The following LAMA1 variants were observed in gnomAD, a reference collection of about 807,000 sequenced individuals.
The protein encoded by LAMA1 is laminin subunit alpha 1.
A neutral mutation model predicts 348.7 loss-of-function variants in LAMA1; 219 were observed. That is an observed-to-expected ratio of 0.63 (90% CI 0.56 to 0.70). The LOEUF is 0.70. Ranked by LOEUF, LAMA1 falls within the 30% of genes least tolerant of loss-of-function variation. The pLI, the probability that LAMA1 is intolerant of heterozygous loss-of-function variation, is 0.00. For missense variants in LAMA1, 3,744 were observed against 3,888.0 expected (o/e 0.96, Z 0.99); for synonymous variants, 1,487 against 1,491.0 (o/e 1.00, Z 0.06).
At chr18:7,072,909 G>A (rs1412980825) in intron 3 of LAMA1, among the ~76,000 whole-genome samples, 4 of 152,164 alleles carry the variant, frequency 2.6e-5, no homozygotes, top group East Asian at 1.9e-4. Context: ...GTCTACTTCC[G>A]GGTCCTATCA....
intron 39 of LAMA1, among the ~76,000 whole-genome samples, chr18:6,983,443 C>T (rs1205320179): frequency 6.6e-6 from 1 of 152,168 alleles, no homozygotes; most frequent in East Asian, 1.9e-4. Context: ...TGTCATAACA[C>T]TCAGAACTGC....
intron 1 of LAMA1, among the ~76,000 whole-genome samples, chr18:7,098,823 C>T (rs1352855239): frequency 1.5e-5 from 2 of 130,266 alleles, no homozygotes; most frequent in South Asian, 2.8e-4. Context: ...GCCCGGCCAC[C>T]GCCCCGTCCG....
Position 6,999,469 on chromosome 18 carries a change from T to A in LAMA1, c.4639A>T (p.Ile1547Phe), listed in dbSNP as rs748191963. 2.5e-6 allele frequency: 4 copies of A among 1,614,226 alleles called. No individual in the cohort carries two copies. The highest frequency in any genetic ancestry group is 1.7e-6 in the Non-Finnish European group (2 of 1,180,046). ...CAAACACAATCTGTTTCCATCAGAA[T>A]GTGCCTCGGTTCACACTCATCGCAC... ...LRCDECEPRHILMETDCVSCD... is the reference protein window; with the variant it reads ...LRCDECEPRHFLMETDCVSCD... The change falls in exon 32 of 63, where the codon ATT becomes TTT. Residue 1547 changes from isoleucine to phenylalanine, a missense_variant. Transcript: ENST00000389658.
chr18:7,066,576 A>G (rs12953632), intron 3 of LAMA1, among the ~76,000 whole-genome samples: 48,383 of 152,106 alleles, frequency 0.32, 8,865 homozygotes, highest in South Asian at 0.48. Flanking sequence ...ACACATGTGA[A>G]GATAATAAAT....
chr18:7,007,083 A>C, intron 29 of LAMA1, 56 bp downstream of exon 29: 10 of 1,604,796 alleles, frequency 6.2e-6, no homozygotes, highest in Non-Finnish European at 8.5e-6. Flanking sequence ...GAAATCTGAC[A>C]CTCAGCGTCC....
At chr18:6,983,711 A>C (rs183518288) in intron 39 of LAMA1, among the ~76,000 whole-genome samples, 136 of 152,336 alleles carry the variant, frequency 8.9e-4, no homozygotes, top group Admixed American at 2.7e-3. Context: ...AATTCACTAG[A>C]GATTTTGGAG....
chr18:7,054,000 G>C (rs2058071937), intron 3 of LAMA1, among the ~76,000 whole-genome samples: 1 of 151,860 alleles, frequency 6.6e-6, no homozygotes, highest in Admixed American at 6.6e-5. Context: ...CAAACTCCTG[G>C]GCTCAAGTGG....
At position 6,958,604 on chromosome 18, in the gene LAMA1, C is replaced by G. The variant is rs1407871342; in HGVS notation, c.7837G>C (p.Val2613Leu). The G allele has an allele frequency of 5.0e-6, 8 of 1,614,094 alleles. No homozygotes were observed. Among genetic ancestry groups the G allele is most frequent in the Non-Finnish European group, 6.8e-6 (8 of 1,180,028 alleles). Residue 2613 changes from valine to leucine, a missense_variant, in exon 55 of 63, where the codon GTA becomes CTA. Val to Leu is a conservative substitution (Grantham distance 32). This residue lies in a region of LAMA1 where 1,983 missense variants were observed against 1,934.3 expected (regional missense o/e 1.03). Coordinates refer to ENST00000389658, the MANE Select transcript of LAMA1 (RefSeq NM_005559.4). Reference sequence around the variant, plus strand: ...GACACATTTATCGTCCTGCTTTCTACTAATGTGCCCAACTTCATTTCCACA... The same window carrying G: ...GACACATTTATCGTCCTGCTTTCTAGTAATGTGCCCAACTTCATTTCCACA... ...NPVEMKLGTL[V>L]ESRTINVSNL... is the part of the protein sequence containing the mutation.
At chr18:7,023,871 C>T (rs1032387098) in intron 18 of LAMA1, among the ~76,000 whole-genome samples, 7 of 152,238 alleles carry the variant, frequency 4.6e-5, no homozygotes, top group African/African-American at 1.7e-4. Flanking sequence ...TAGAGTCTCA[C>T]TCTGTCTCCT....
rs1455240113 is a variant in LAMA1 at position 7,057,959 on chromosome 18, CA to C, written c.346-7024del. 3.6e-4 allele frequency among the ~76,000 whole-genome samples: 55 copies of C among 151,158 alleles called. 1 individual carries two copies. Among genetic ancestry groups the C allele is most frequent in the South Asian group, 1.7e-3 (8 of 4,770 alleles). ...ATAGGCACTTGCCACCACGTCCGGCCAATTTTTTTTAATTTTTTTTTTTTAG... is the reference window on the plus strand; with the variant it reads ...ATAGGCACTTGCCACCACGTCCGGCCATTTTTTTTAATTTTTTTTTTTTAG... On this transcript the variant is annotated intron_variant, in intron 3 of 62. Transcript: ENST00000389658.
At chr18:7,075,660 G>A (rs905297855) in intron 3 of LAMA1, among the ~76,000 whole-genome samples, 16 of 148,930 alleles carry the variant, frequency 1.1e-4, no homozygotes, top group African/African-American at 2.5e-4. Context: ...GCACTAGGCT[G>A]GGCGCGGTGG....
At chr18:7,001,047 C>T (rs1013875752) in intron 30 of LAMA1, among the ~76,000 whole-genome samples, 2 of 152,120 alleles carry the variant, frequency 1.3e-5, no homozygotes, top group African/African-American at 2.4e-5. Flanking sequence ...AGCACAGAAA[C>T]GTGCAAAGTA....
intron 57 of LAMA1, among the ~76,000 whole-genome samples, chr18:6,951,319 T>C (rs1293037581): frequency 2.6e-5 from 4 of 152,168 alleles, no homozygotes; most frequent in Non-Finnish European, 5.9e-5. Flanking sequence ...AAAGCTGATA[T>C]CTCAGCTGAG....
At chr18:6,989,231 T>C (rs1205613854) in intron 36 of LAMA1, among the ~76,000 whole-genome samples, 2 of 152,074 alleles carry the variant, frequency 1.3e-5, no homozygotes, top group African/African-American at 4.8e-5. Context: ...GGATCCCACA[T>C]GGGGAGAGGA....
At position 7,015,877 on chromosome 18, in the gene LAMA1, C is replaced by A. The variant is rs773956526; in HGVS notation, c.2990-19G>T. On this transcript the variant is annotated intron_variant, in intron 21 of 62. Transcript: ENST00000389658. ...TCACAGGCTGAAATAAAGATGAATG[C>A]TGGGTTACAGATCTGGGTGATGTCA... 128 of 1,613,812 alleles carry A rather than the reference C, an allele frequency of 7.9e-5. No individual in the cohort carries two copies. Among genetic ancestry groups the A allele is most frequent in the Non-Finnish European group, 5.4e-5 (64 of 1,179,968 alleles).
intron 3 of LAMA1, among the ~76,000 whole-genome samples, chr18:7,077,989 G>A (rs181653264): frequency 3.4e-5 from 5 of 148,830 alleles, no homozygotes; most frequent in African/African-American, 9.9e-5. Flanking sequence ...GCGTGAACCC[G>A]GGAGGCAGAG....
At chr18:7,017,101 A>G (rs537865279) in intron 20 of LAMA1, among the ~76,000 whole-genome samples, 177 bp downstream of exon 20, 1 of 152,274 alleles carries the variant, frequency 6.6e-6, no homozygotes, top group East Asian at 1.9e-4. Flanking sequence ...CTCCCCAACC[A>G]TGCGAAACTG....
At chr18:7,038,753 A>T (rs1459924590) in intron 11 of LAMA1, 57 bp downstream of exon 11, 7 of 1,608,298 alleles carry the variant, frequency 4.4e-6, no homozygotes. Flanking sequence ...AGCTCGTGCC[A>T]AGCTTGTGCA....
At chr18:7,082,782 C>A (rs1301823956) in intron 1 of LAMA1, among the ~76,000 whole-genome samples, 2 of 152,200 alleles carry the variant, frequency 1.3e-5, no homozygotes, top group African/African-American at 4.8e-5. Context: ...ATTCCCTTCA[C>A]AAAGACTAGT....
Sources: gnomAD v4.1 joint callset for allele counts (sites outside exome capture counted in the v4.1 genomes callset) on GRCh38, gnomAD v4.1.1 for gene constraint, gnomAD v4.1.1 regional missense constraint, MANE v1.5 for transcripts, NCBI Gene and HGNC (gene_info 2026-07-23, HGNC 2026-07-21) for gene names.